Variants in IGF2R observed in about 807,000 individuals in gnomAD.
IGF2R encodes insulin like growth factor 2 receptor.
A neutral mutation model predicts 270.6 loss-of-function variants in IGF2R; 91 were observed. The ratio of observed to expected loss-of-function variants is 0.34; its 90% CI spans 0.28 to 0.40. The LOEUF (loss-of-function observed/expected upper bound fraction) is 0.40. Ranked by LOEUF, IGF2R falls within the 10% of genes least tolerant of loss-of-function variation. The probability of loss-of-function intolerance (pLI) is 1.00; values close to 1 mark genes in which losing one functional copy is unlikely to be tolerated. For synonymous variants in IGF2R, 1,316 were observed against 1,258.9 expected, an observed-to-expected ratio of 1.05 and a Z score of -0.96; for missense variants, 2,805 against 3,188.3, an observed-to-expected ratio of 0.88 and a Z score of 2.90.
At chr6:160,077,028 C>T (rs1274627260) in intron 36 of IGF2R, among the ~76,000 whole-genome samples, 1 of 152,138 alleles carries the variant, frequency 6.6e-6, no homozygotes. Flanking sequence ...GGTGTGCTGA[C>T]AGTGACAGAA....
At chr6:160,029,830 A>G (rs772627243) in intron 7 of IGF2R, among the ~76,000 whole-genome samples, 175 bp downstream of exon 7, 1 of 152,218 alleles carries the variant, frequency 6.6e-6, no homozygotes, top group African/African-American at 2.4e-5. Context: ...CTTCTGTCAC[A>G]TGCAGCTCAC....
chr6:160,079,373 G>C (rs940935125), intron 37 of IGF2R, among the ~76,000 whole-genome samples: 3 of 152,352 alleles, frequency 2.0e-5, no homozygotes, highest in Admixed American at 2.0e-4. Flanking sequence ...GGAGCAGGAG[G>C]AGCAAGCAAG....
chr6:160,061,713 C>T lies in IGF2R; in HGVS notation c.3407-40C>T, dbSNP rs17847640. ...ATTAGAGCATTTGACTCAAGGTCAT[C>T]GCCTTCCTCATGCCCAAACCACTTA... On this transcript the variant is annotated intron_variant, in intron 24 of 47. Transcript: ENST00000356956. The T allele has an allele frequency of 9.2e-5, 149 of 1,613,264 alleles. No individual in the cohort carries two copies. In the East Asian group the frequency reaches 2.9e-3, roughly 31 times the overall value.
rs1309975804 is a variant in IGF2R, at chr6:160,031,715, T to G, written c.883-836T>G. Among the ~76,000 whole-genome samples, 3 of 152,198 alleles carry G rather than the reference T, an allele frequency of 2.0e-5. No homozygotes were observed. In the East Asian group the frequency reaches 5.8e-4, roughly 29 times the overall value. ...TTGGGCCTGCAGCTCTGCAACTTAC[T>G]AATTGTGTGCGACCTGTTTGTAAAC... On this transcript the variant is annotated intron_variant, in intron 7 of 47. Coordinates refer to ENST00000356956, the MANE Select transcript of IGF2R (RefSeq NM_000876.4).
chr6:160,030,125 GT>G (rs1019837213), intron 7 of IGF2R, among the ~76,000 whole-genome samples: 5 of 152,150 alleles, frequency 3.3e-5, no homozygotes, highest in African/African-American at 1.2e-4. Context: ...TCACAGGCCA[GT>G]TTATTGCTGT....
intron 1 of IGF2R, among the ~76,000 whole-genome samples, chr6:159,986,538 G>A (rs1453313376): frequency 1.3e-5 from 2 of 151,672 alleles, no homozygotes; most frequent in African/African-American, 2.4e-5. Flanking sequence ...AAAGTGCTGT[G>A]ATTACAGGCA....
Position 160,073,283 on chromosome 6 carries a change from C to T in IGF2R, c.4761C>T (p.Val1587=), listed in dbSNP as rs144686841. Residue 1587 remains valine, a synonymous_variant, in exon 34 of 48, where the codon GTC becomes GTT. Coordinates refer to ENST00000356956, the MANE Select transcript of IGF2R (RefSeq NM_000876.4). ...AGAGGCTGAGATACGTGGACCAGGT[C>T]CTGCAGCTGGTGTACAAGGATGGGT... The part of the protein sequence containing the change: ...ANKRLRYVDQ[V]LQLVYKDGSP... 327 of 1,614,224 alleles carry T rather than the reference C, an allele frequency of 2.0e-4. 1 individual carries two copies. The African/African-American group carries it at 4.0e-3, about 20-fold the overall frequency.
intron 2 of IGF2R, chr6:160,006,413 T>C: frequency 6.5e-6 from 1 of 153,026 alleles, no homozygotes; most frequent in Non-Finnish European, 1.5e-5. Context: ...CAGTGGGAGC[T>C]GTCCAGGCGC....
chr6:160,026,785 T>C (rs1777569335), intron 5 of IGF2R, among the ~76,000 whole-genome samples: 2 of 152,340 alleles, frequency 1.3e-5, no homozygotes, highest in Admixed American at 1.3e-4. Context: ...AAGTGGTCGA[T>C]TTAGGATTTG....
At chr6:159,988,452 G>A (rs1783923306) in intron 1 of IGF2R, among the ~76,000 whole-genome samples, 1 of 143,972 alleles carries the variant, frequency 6.9e-6, no homozygotes, top group South Asian at 2.1e-4. Flanking sequence ...GGTGGAGCTT[G>A]CAATGAGCGG....
chr6:160,033,612 A>G (rs956097388), intron 9 of IGF2R, among the ~76,000 whole-genome samples: 1 of 152,254 alleles, frequency 6.6e-6, no homozygotes, highest in Non-Finnish European at 1.5e-5. Flanking sequence ...CTGGCTTTAG[A>G]GTAAGAATGC....
intron 2 of IGF2R, among the ~76,000 whole-genome samples, chr6:159,997,893 C>T (rs371539780): frequency 2.0e-5 from 3 of 152,078 alleles, no homozygotes; most frequent in African/African-American, 7.3e-5. Context: ...GTTTAGAGTA[C>T]GAAGATAAGG....
chr6:160,063,757 C>A, intron 27 of IGF2R, 127 bp downstream of exon 27: 4 of 656,548 alleles, frequency 6.1e-6, no homozygotes, highest in Non-Finnish European at 1.0e-5. Context: ...AAAAAAAAAG[C>A]ATATTAATGA....
intron 23 of IGF2R, 68 bp downstream of exon 23, chr6:160,060,785 G>A (rs1778422273): frequency 6.7e-7 from 1 of 1,491,392 alleles, no homozygotes; most frequent in East Asian, 2.3e-5. Context: ...TGGATATGAA[G>A]GTGTGTTTCT....
intron 7 of IGF2R, 98 bp from the exon 8 acceptor site, chr6:160,032,453 C>T: frequency 8.9e-7 from 1 of 1,119,884 alleles, no homozygotes; most frequent in Non-Finnish European, 1.3e-6. Context: ...ATGTAGAAAC[C>T]TAACAACCTG....
chr6:160,064,976 G>T, intron 29 of IGF2R, 75 bp downstream of exon 29: 1 of 939,134 alleles, frequency 1.1e-6, no homozygotes, highest in Non-Finnish European at 1.7e-6. Context: ...TAGTGGTCTT[G>T]GGTGCAGGGG....
At chr6:159,974,656 A>C (rs1783661738) in intron 1 of IGF2R, among the ~76,000 whole-genome samples, 1 of 152,112 alleles carries the variant, frequency 6.6e-6, no homozygotes, top group Non-Finnish European at 1.5e-5. Flanking sequence ...GCATTGTAGG[A>C]TGTCAGCCAG....
Position 160,104,832 on chromosome 6 carries a change from C to G in IGF2R, c.7224C>G (p.Asp2408Glu). Residue 2408 changes from aspartate to glutamate, a missense_variant, in exon 48 of 48, where the codon GAC becomes GAG. This residue lies in a region of IGF2R where 1,851 missense variants were observed against 2,207.2 expected (regional missense o/e 0.84). Transcript: ENST00000356956. ...GCTCCCTGCATGGGGATGACCAGGA[C>G]AGTGAGGATGAGGTTCTGACCATCC... is the stretch of plus-strand genomic sequence containing the variant. ...ALSSLHGDDQ[D>E]SEDEVLTIPE... 1.9e-6 allele frequency: 3 copies of G among 1,614,150 alleles called. No individual in the cohort carries two copies. The highest frequency in any genetic ancestry group is 2.5e-6 in the Non-Finnish European group (3 of 1,180,024).
intron 1 of IGF2R, among the ~76,000 whole-genome samples, chr6:159,980,718 A>G (rs949852405): frequency 2.0e-5 from 3 of 151,702 alleles, no homozygotes; most frequent in Admixed American, 6.6e-5. Flanking sequence ...TAGTTTGCAC[A>G]CTCCAGGAAG....
Sources: gnomAD v4.1 joint callset for allele counts (sites outside exome capture counted in the v4.1 genomes callset) on GRCh38, gnomAD v4.1.1 for gene constraint, gnomAD v4.1.1 regional missense constraint, MANE v1.5 for transcripts, NCBI Gene and HGNC (gene_info 2026-07-23, HGNC 2026-07-21) for gene names.